Variants in LMO3 observed in about 807,000 individuals in gnomAD.
The protein encoded by LMO3 is LIM domain only protein 3.
In LMO3, 2 loss-of-function variants were observed where a neutral mutation model predicts 15.8. The ratio of observed to expected loss-of-function variants is 0.13; its 90% CI spans 0.05 to 0.40. The LOEUF (loss-of-function observed/expected upper bound fraction) is 0.40. LMO3 is among the 10% of genes least tolerant of loss of function. The pLI is 0.99. For missense variants in LMO3, 86 were observed against 182.2 expected (o/e 0.47, Z 3.04); for synonymous variants, 62 against 63.8 (o/e 0.97, Z 0.13).
intron 2 of LMO3, among the ~76,000 whole-genome samples, chr12:16,564,793 G>C (rs562648865): frequency 6.6e-6 from 1 of 152,126 alleles, no homozygotes; most frequent in African/African-American, 2.4e-5. Flanking sequence ...CATAAATTTA[G>C]AAGTTATTTT....
rs1171589247 is a variant in LMO3 at position 16,549,612 on chromosome 12, GT to G, written c.*1609del. On this transcript the variant is annotated 3_prime_UTR_variant, in exon 4 of 4. Transcript: ENST00000537304. ...TATGCAAATAACACTGGAAAATATTGTTTCCTATACAAGTGATCAAGAAAAA... is the reference window on the plus strand; with the variant it reads ...TATGCAAATAACACTGGAAAATATTGTTCCTATACAAGTGATCAAGAAAAA... 6.6e-6 allele frequency: 1 copy of G among 152,340 alleles called. No individual in the cohort carries two copies. Among genetic ancestry groups the G allele is most frequent in the Non-Finnish European group, 1.5e-5 (1 of 67,948 alleles). The allele number at this position is 152,340 out of a possible 1,614,324, so 9.4% of individuals were successfully genotyped here.
chr12:16,605,621 C>G (rs1943968634), intron 1 of LMO3: 3 of 779,524 alleles, frequency 3.8e-6, no homozygotes, highest in African/African-American at 3.5e-5. Flanking sequence ...GTCCGGAAAC[C>G]CACCCAGGAC....
intron 2 of LMO3, among the ~76,000 whole-genome samples, chr12:16,575,931 G>C (rs2137489817): frequency 6.6e-6 from 1 of 152,214 alleles, no homozygotes; most frequent in East Asian, 1.9e-4. Flanking sequence ...ACGTAGAAAT[G>C]AATGTCGGAA....
chr12:16,593,904 A>G lies in LMO3; in HGVS notation c.206+6751T>C, dbSNP rs554302465. ...TAATCATCAAAACAAGTATATTATC[A>G]TAGTAAAAACAGAACTAGAACAGGC... On this transcript the variant is annotated intron_variant, in intron 2 of 3. Transcript: ENST00000537304. This position sits in a 1 kb window ranked among gnomAD's most constrained non-coding sequence, Gnocchi z 4.2. Among the ~76,000 whole-genome samples, 51 of 151,928 alleles carry G rather than the reference A, an allele frequency of 3.4e-4. No individual in the cohort carries two copies. Among genetic ancestry groups the G allele is most frequent in the Non-Finnish European group, 5.3e-4 (36 of 67,732 alleles).
In LMO3 at chr12:16,598,631, C is replaced by T. The variant is rs564510561; in HGVS notation, c.206+2024G>A. ...ATACACTCTTATAGAGATACAAAAA[C>T]TTCTGATATGAAAACTATTTTTGAT... On this transcript the variant is annotated intron_variant, in intron 2 of 3. Coordinates refer to ENST00000537304, the MANE Select transcript of LMO3 (RefSeq NM_018640.5). The surrounding 1 kb of genome is among the most constrained non-coding windows in gnomAD (Gnocchi z 4.3). 1 of 153,820 alleles carries T rather than the reference C, an allele frequency of 6.5e-6. No individual in the cohort carries two copies. Among genetic ancestry groups the T allele is most frequent in the East Asian group, 1.9e-4 (1 of 5,274 alleles). The allele number at this position is 153,820 out of a possible 1,614,324, so 9.5% of individuals were successfully genotyped here.
upstream of LMO3, chr12:16,607,161 TCCTTCCTC>T (rs3029721): frequency 0.28 from 42,733 of 151,496 alleles, 6,578 homozygotes; most frequent in African/African-American, 0.39. Context: ...ACACACACTC[TCCTTCCTC>T]CCTTCCTCCC....
At position 16,550,489 on chromosome 12, in the gene LMO3, G is replaced by A. The variant is rs1565476421; in HGVS notation, c.*733C>T. On this transcript the variant is annotated 3_prime_UTR_variant, in exon 4 of 4. Transcript: ENST00000537304. ...AAAAGGAAACCTGTTAAGCTTTAAA[G>A]TTATTCTAAAAATGGCACTTTTCAC... 1 of 152,386 alleles carries A rather than the reference G, an allele frequency of 6.6e-6. No individual in the cohort carries two copies. The highest frequency in any genetic ancestry group is 1.5e-5 in the Non-Finnish European group (1 of 67,898). The allele number at this position is 152,386 out of a possible 1,614,324, so 9.4% of individuals were successfully genotyped here. A position where few individuals can be genotyped will look rare whatever the true frequency, so the allele number is the denominator to read the frequency against.
At chr12:16,579,234 G>A (rs1943087447) in intron 2 of LMO3, among the ~76,000 whole-genome samples, 1 of 152,122 alleles carries the variant, frequency 6.6e-6, no homozygotes, top group African/African-American at 2.4e-5. Flanking sequence ...TCATTAAATG[G>A]TTTGGCTGTT....
chr12:16,589,219 CAGA>C lies in LMO3; in HGVS notation c.206+11433_206+11435del, dbSNP rs1044057203. ...TTATTTTTTAATGAAGTGATATTCA[CAGA>C]AGATTATAACAACAGTAGATGAATG... On this transcript the variant is annotated intron_variant, in intron 2 of 3. Transcript: ENST00000537304. The surrounding 1 kb of genome is among the most constrained non-coding windows in gnomAD (Gnocchi z 4.2). Among the ~76,000 whole-genome samples the C allele has an allele frequency of 1.1e-4, 16 of 152,024 alleles. No homozygotes were observed. Among genetic ancestry groups the C allele is most frequent in the African/African-American group, 3.9e-4 (16 of 41,398 alleles).
chr12:16,595,324 T>C (rs1943614575), intron 2 of LMO3, among the ~76,000 whole-genome samples: 1 of 151,622 alleles, frequency 6.6e-6, no homozygotes, highest in African/African-American at 2.4e-5. Flanking sequence ...TGAAAATGAA[T>C]GCATTATAGA....
In LMO3 at chr12:16,582,151, A is replaced by C. The variant is rs1943180837; in HGVS notation, c.206+18504T>G. ...TCAGTAAATTTTCTTAATCATATTT[A>C]ACTGGTTTCTTCCTGTTTCTCTTTA... is the stretch of plus-strand genomic sequence containing the variant. On this transcript the variant is annotated intron_variant, in intron 2 of 3. Transcript: ENST00000537304. The surrounding 1 kb of genome is among the most constrained non-coding windows in gnomAD (Gnocchi z 4.1). 6.6e-6 allele frequency among the ~76,000 whole-genome samples: 1 copy of C among 151,866 alleles called. No homozygotes were observed. The highest frequency in any genetic ancestry group is 1.5e-5 in the Non-Finnish European group (1 of 68,000).
rs1324057646 is a variant in LMO3, at chr12:16,586,316, A to G, written c.206+14339T>C. Among the ~76,000 whole-genome samples, 2 of 152,198 alleles carry G rather than the reference A, an allele frequency of 1.3e-5. No homozygotes were observed. The highest frequency in any genetic ancestry group is 2.9e-5 in the Non-Finnish European group (2 of 68,040). ...TGTCATGATACGATGAAGTCCACATACGGAACAACTAAGAAACAACTAAAA... is the reference window on the plus strand; with the variant it reads ...TGTCATGATACGATGAAGTCCACATGCGGAACAACTAAGAAACAACTAAAA... On this transcript the variant is annotated intron_variant, in intron 2 of 3. Transcript: ENST00000537304. This position sits in a 1 kb window ranked among gnomAD's most constrained non-coding sequence, Gnocchi z 4.3.
chr12:16,605,794 C>T (rs1342893053), intron 1 of LMO3: 2 of 1,535,632 alleles, frequency 1.3e-6, no homozygotes, highest in Non-Finnish European at 8.7e-7. Flanking sequence ...CGCAGCCGCT[C>T]TCCCTCCTTC....
rs1943724323 is a variant in LMO3 at position 16,598,461 on chromosome 12, A to C, written c.206+2194T>G. ...ATGTGGTAATGACCAATTTAAGCGG[A>C]AATCGTACTCTGAGAAATGAATATA... On this transcript the variant is annotated intron_variant, in intron 2 of 3. Transcript: ENST00000537304. The surrounding 1 kb of genome is among the most constrained non-coding windows in gnomAD (Gnocchi z 4.3). The C allele has an allele frequency of 6.6e-6, 1 of 152,116 alleles. No individual in the cohort carries two copies. Among genetic ancestry groups the C allele is most frequent in the Admixed American group, 6.6e-5 (1 of 15,244 alleles). 9.4% of individuals were successfully genotyped at this position (152,116 alleles called of 1,614,324 possible). A position where few individuals can be genotyped will look rare whatever the true frequency, so the allele number is the denominator to read the frequency against.
chr12:16,572,832 T>G (rs940507010), intron 2 of LMO3, among the ~76,000 whole-genome samples: 5 of 151,644 alleles, frequency 3.3e-5, no homozygotes, highest in Non-Finnish European at 7.4e-5. Context: ...TAAAGTAATT[T>G]GCTCTAAGGA....
At chr12:16,577,594 A>G (rs1943034111) in intron 2 of LMO3, among the ~76,000 whole-genome samples, 1 of 152,222 alleles carries the variant, frequency 6.6e-6, no homozygotes, top group Non-Finnish European at 1.5e-5. Context: ...CCTGTTCACA[A>G]AACGTTTGTG....
rs1943003460 is a variant in LMO3, at chr12:16,576,607, C to T, written c.207-16069G>A. Among the ~76,000 whole-genome samples the T allele has an allele frequency of 6.6e-6, 1 of 152,174 alleles. No individual in the cohort carries two copies. The highest frequency in any genetic ancestry group is 2.4e-5 in the African/African-American group (1 of 41,438). On this transcript the variant is annotated intron_variant, in intron 2 of 3. Transcript: ENST00000537304. This position sits in a 1 kb window ranked among gnomAD's most constrained non-coding sequence, Gnocchi z 4.1. ...TACGTACCTGTTTGTCTCTTTCTCA[C>T]TACATAATAAGCTCCCTGAAAACTT...
At chr12:16,590,670 T>C (rs1257494029) in intron 2 of LMO3, among the ~76,000 whole-genome samples, 1 of 152,088 alleles carries the variant, frequency 6.6e-6, no homozygotes, top group African/African-American at 2.4e-5. Flanking sequence ...GATCTTACTC[T>C]CATAAATGCT....
At chr12:16,594,203 C>G in intron 2 of LMO3, 1 of 1,531,664 alleles carries the variant, frequency 6.5e-7, no homozygotes, top group Non-Finnish European at 8.7e-7. Context: ...TAAGGTTACA[C>G]AGATTCCAAT....
Sources: allele counts gnomAD v4.1 joint callset (sites outside exome capture counted in the v4.1 genomes callset), GRCh38; gene constraint gnomAD v4.1.1; non-coding constraint Gnocchi (gnomAD v3.1); transcripts MANE v1.5; gene names NCBI Gene and HGNC (gene_info 2026-07-23, HGNC 2026-07-21).